The following LIPC variants were observed in gnomAD, a reference collection of about 807,000 sequenced individuals.
LIPC encodes the protein lipase C, hepatic type.
A neutral mutation model predicts 50.7 loss-of-function variants in LIPC; 44 were observed. The ratio of observed to expected loss-of-function variants is 0.87; its 90% confidence interval spans 0.68 to 1.11. The LOEUF (loss-of-function observed/expected upper bound fraction) is 1.11, where lower values mean the gene tolerates loss of function less well. Among genes scored for constraint, LIPC ranks in the 50% most tolerant of loss-of-function variants. The probability of loss-of-function intolerance (pLI) is 0.00; values close to 1 mark genes in which losing one functional copy is unlikely to be tolerated. For synonymous variants in LIPC, 271 were observed against 256.4 expected, an observed-to-expected ratio of 1.06 and a Z score of -0.54; for missense variants, 697 against 648.2, an observed-to-expected ratio of 1.08 and a Z score of -0.82.
At chr15:58,471,333 G>GGGT (rs1555399331) in intron 1 of LIPC, among the ~76,000 whole-genome samples, 8 of 138,140 alleles carry the variant, frequency 5.8e-5, no homozygotes, top group Admixed American at 1.4e-4. Flanking sequence ...AGAGATGGGG[G>GGGT]GGGGTGGTCT....
At chr15:58,530,580 T>C (rs1049985984) in intron 1 of LIPC, among the ~76,000 whole-genome samples, 4 of 152,250 alleles carry the variant, frequency 2.6e-5, no homozygotes, top group Non-Finnish European at 5.9e-5. Context: ...ATTTTAAATG[T>C]GCACTTGTGT....
intron 1 of LIPC, among the ~76,000 whole-genome samples, chr15:58,451,076 C>T (rs1357357310): frequency 6.6e-6 from 1 of 152,094 alleles, no homozygotes; most frequent in Non-Finnish European, 1.5e-5. Context: ...CTACCCTCCC[C>T]ATCAAAGCCT....
At chr15:58,468,025 G>A (rs770330518) in intron 1 of LIPC, among the ~76,000 whole-genome samples, 7 of 152,144 alleles carry the variant, frequency 4.6e-5, no homozygotes, top group Non-Finnish European at 7.3e-5. Flanking sequence ...TCCTATAAAT[G>A]TTGAGAAGAT....
At chr15:58,567,868 G>A (rs1894443717) in intron 8 of LIPC, among the ~76,000 whole-genome samples, 1 of 152,190 alleles carries the variant, frequency 6.6e-6, no homozygotes, top group Non-Finnish European at 1.5e-5. Flanking sequence ...TGATGTTAGT[G>A]AAGGCCGATG....
At chr15:58,517,027 T>C (rs1892506940) in intron 1 of LIPC, among the ~76,000 whole-genome samples, 1 of 152,242 alleles carries the variant, frequency 6.6e-6, no homozygotes, top group Non-Finnish European at 1.5e-5. Context: ...TTTAAAACTT[T>C]GTTAGATGGG....
At chr15:58,483,370 G>A (rs1891256397) in intron 1 of LIPC, among the ~76,000 whole-genome samples, 1 of 152,114 alleles carries the variant, frequency 6.6e-6, no homozygotes, top group East Asian at 1.9e-4. Context: ...AACTCCAAGG[G>A]GCTCAGATCG....
Position 58,432,132 on chromosome 15 carries a change from A to C in LIPC, c.88+12A>C, listed in dbSNP as rs868759996. On this transcript the variant is annotated intron_variant, in intron 1 of 8. Transcript: ENST00000299022. ...AAGCCTGAAACCAGGTAAGAGCCTG[A>C]CTTTTCTCCAGAGATGGGCATGAAC... The C allele has an allele frequency of 2.1e-5, 33 of 1,588,544 alleles. 2 individuals carry two copies. In the Middle Eastern group the frequency reaches 2.5e-3, roughly 120 times the overall value.
chr15:58,450,933 G>C (rs760466795), intron 1 of LIPC, among the ~76,000 whole-genome samples: 13 of 152,204 alleles, frequency 8.5e-5, no homozygotes, highest in African/African-American at 1.2e-4. Flanking sequence ...GAGGTCTTTG[G>C]AGGCAGACAA....
chr15:58,491,988 A>T (rs62001847), intron 1 of LIPC, among the ~76,000 whole-genome samples: 4,132 of 152,192 alleles, frequency 0.027, 88 homozygotes, highest in South Asian at 0.059. Context: ...TGCATTTCTG[A>T]CCCAGTTGGA....
At chr15:58,520,135 A>G (rs538153968) in intron 1 of LIPC, among the ~76,000 whole-genome samples, 15 of 123,038 alleles carry the variant, frequency 1.2e-4, no homozygotes, top group Non-Finnish European at 2.0e-4. Context: ...TTTTTTTTTA[A>G]TCTGTTAATT....
At chr15:58,568,299 G>A (rs1894453765) in intron 8 of LIPC, among the ~76,000 whole-genome samples, 2 of 152,186 alleles carry the variant, frequency 1.3e-5, no homozygotes, top group Admixed American at 6.5e-5. Flanking sequence ...ACAAACTGGA[G>A]CTTGTCCAAG....
intron 6 of LIPC, among the ~76,000 whole-genome samples, chr15:58,557,586 C>T (rs552062586): frequency 2.0e-5 from 3 of 151,880 alleles, no homozygotes; most frequent in Non-Finnish European, 2.9e-5. Flanking sequence ...GGGGTTTCAC[C>T]GTGTTAGCCA....
chr15:58,458,419 G>C (rs1894215504), intron 1 of LIPC, among the ~76,000 whole-genome samples: 1 of 152,184 alleles, frequency 6.6e-6, no homozygotes, highest in Admixed American at 6.5e-5. Context: ...TCTTAAACAG[G>C]ATTTTTCTTT....
At chr15:58,440,895 G>C (rs539382436) in intron 1 of LIPC, among the ~76,000 whole-genome samples, 1 of 152,264 alleles carries the variant, frequency 6.6e-6, no homozygotes, top group African/African-American at 2.4e-5. Context: ...TTGAGATTTT[G>C]GGGTGGCCCT....
Position 58,563,680 on chromosome 15 carries a change from G to A in LIPC, c.1345G>A (p.Val449Ile), listed in dbSNP as rs112322348. The change falls in exon 8 of 9, where the codon GTT becomes ATT. Residue 449 changes from valine to isoleucine, a missense_variant. Coordinates refer to ENST00000299022, the MANE Select transcript of LIPC (RefSeq NM_000236.3). ...WSTGPRHSGLVLKTIRVKAGE... is the reference protein window; with the variant it reads ...WSTGPRHSGLILKTIRVKAGE... ...CACAGGGCCGCGCCACTCAGGCCTC[G>A]TTCTGAAGACGATCAGAGTCAAAGC... is the stretch of plus-strand genomic sequence containing the variant. 4.1e-5 allele frequency: 66 copies of A among 1,613,762 alleles called. No homozygotes were observed. Among genetic ancestry groups the A allele is most frequent in the South Asian group, 8.8e-5 (8 of 91,056 alleles).
At chr15:58,487,606 C>G (rs1246401893) in intron 1 of LIPC, among the ~76,000 whole-genome samples, 2 of 152,202 alleles carry the variant, frequency 1.3e-5, no homozygotes, top group African/African-American at 4.8e-5. Flanking sequence ...TGGTCTTGCT[C>G]TGGCCCAAAC....
intron 1 of LIPC, among the ~76,000 whole-genome samples, chr15:58,442,668 T>C (rs1893546650): frequency 6.6e-6 from 1 of 152,236 alleles, no homozygotes; most frequent in Non-Finnish European, 1.5e-5. Context: ...GAGATAGGTA[T>C]TATCCCCACT....
intron 8 of LIPC, chr15:58,564,074 G>A (rs1277448102): frequency 8.7e-6 from 3 of 346,576 alleles, no homozygotes; most frequent in Non-Finnish European, 1.7e-5. Context: ...AAGGTGCTGT[G>A]GTAGATGCAA....
intron 6 of LIPC, among the ~76,000 whole-genome samples, chr15:58,549,164 G>T (rs936337834): frequency 6.6e-6 from 1 of 152,138 alleles, no homozygotes; most frequent in Non-Finnish European, 1.5e-5. Context: ...TTGTAGAAAG[G>T]GCTGTGACCA....
Sources: gnomAD v4.1 joint callset for allele counts (sites outside exome capture counted in the v4.1 genomes callset) on GRCh38, gnomAD v4.1.1 for gene constraint, MANE v1.5 for transcripts, NCBI Gene and HGNC (gene_info 2026-07-23, HGNC 2026-07-21) for gene names.